IMMP2L: variants seen among roughly 807,000 people sequenced by gnomAD.
IMMP2L encodes the protein mitochondrial inner membrane protease subunit 2.
IMMP2L carries 18 observed loss-of-function variants against 19.3 expected under a neutral mutation model. The observed-to-expected ratio is 0.93, with a 90% CI of 0.64 to 1.38. The LOEUF is 1.38. Among genes scored for constraint, IMMP2L ranks in the 40% most tolerant of loss-of-function variants. IMMP2L has a pLI of 0.00. For missense variants in IMMP2L, 233 were observed against 218.2 expected, an observed-to-expected ratio of 1.07 and a Z score of -0.43; for synonymous variants, 76 against 73.0, an observed-to-expected ratio of 1.04 and a Z score of -0.21.
intron 5 of IMMP2L, among the ~76,000 whole-genome samples, chr7:110,837,258 T>C (rs1804582113): frequency 6.6e-6 from 1 of 151,754 alleles, no homozygotes; most frequent in Non-Finnish European, 1.5e-5. Flanking sequence ...TTACAGAATA[T>C]GTGTATGGTA....
At chr7:111,315,905 A>G (rs910532767) in intron 3 of IMMP2L, among the ~76,000 whole-genome samples, 1 of 152,160 alleles carries the variant, frequency 6.6e-6, no homozygotes, top group African/African-American at 2.4e-5. Flanking sequence ...GTTATGCATC[A>G]CTTAATGATG....
intron 3 of IMMP2L, among the ~76,000 whole-genome samples, chr7:110,995,912 T>C (rs1011567360): frequency 1.3e-5 from 2 of 152,154 alleles, no homozygotes; most frequent in Non-Finnish European, 2.9e-5. Flanking sequence ...AATCCTTTTA[T>C]GGCATTCATA....
chr7:110,911,190 G>A (rs576882398), intron 4 of IMMP2L, among the ~76,000 whole-genome samples: 19 of 151,928 alleles, frequency 1.3e-4, no homozygotes, highest in Admixed American at 3.9e-4. Flanking sequence ...GAAATTACAC[G>A]ACTGAAAATG....
At chr7:111,229,689 A>G (rs1317714353) in intron 3 of IMMP2L, among the ~76,000 whole-genome samples, 1 of 151,978 alleles carries the variant, frequency 6.6e-6, no homozygotes, top group South Asian at 2.1e-4. Flanking sequence ...ACATTTGACT[A>G]AAAGAGAAAA....
chr7:111,283,168 T>G (rs1229326114), intron 3 of IMMP2L, among the ~76,000 whole-genome samples: 1 of 152,108 alleles, frequency 6.6e-6, no homozygotes, highest in Non-Finnish European at 1.5e-5. Flanking sequence ...AGGAAAAATG[T>G]GGAAAAATCA....
chr7:110,904,095 T>C (rs1385481273), intron 4 of IMMP2L, among the ~76,000 whole-genome samples: 1 of 152,146 alleles, frequency 6.6e-6, no homozygotes, highest in Non-Finnish European at 1.5e-5. Flanking sequence ...TACTATAGAG[T>C]TGTAGGAGTT....
chr7:110,874,188 T>A (rs1269461748), intron 5 of IMMP2L, among the ~76,000 whole-genome samples: 2 of 152,112 alleles, frequency 1.3e-5, no homozygotes, highest in Non-Finnish European at 2.9e-5. Context: ...ATGGTAATAG[T>A]CTCATGGCCA....
chr7:111,160,485 T>A (rs1338818523), intron 3 of IMMP2L, among the ~76,000 whole-genome samples: 1 of 151,902 alleles, frequency 6.6e-6, no homozygotes, highest in Non-Finnish European at 1.5e-5. Flanking sequence ...AGTAAGTCAT[T>A]TTGCATATAA....
In IMMP2L at chr7:111,252,402, A is replaced by T. The variant is rs111444056; in HGVS notation, c.239+234836T>A. On this transcript the variant is annotated intron_variant, in intron 3 of 5. Coordinates refer to ENST00000405709, the MANE Select transcript of IMMP2L (RefSeq NM_032549.4). ...TTAGGCAGTATAAAACGAGACCTGG[A>T]AAATGGATTCAACAGATACAAATTA... 3.1e-3 allele frequency among the ~76,000 whole-genome samples: 477 copies of T among 152,306 alleles called. 3 individuals are homozygous for T. Among genetic ancestry groups the T allele is most frequent in the African/African-American group, 0.011 (452 of 41,554 alleles).
intron 3 of IMMP2L, among the ~76,000 whole-genome samples, chr7:111,044,048 A>C (rs2129571423): frequency 6.6e-6 from 1 of 152,342 alleles, no homozygotes; most frequent in East Asian, 1.9e-4. Context: ...CAATCAAAAG[A>C]CATTATGTCA....
At chr7:110,693,524 T>G (rs1793659183) in intron 5 of IMMP2L, among the ~76,000 whole-genome samples, 2 of 152,352 alleles carry the variant, frequency 1.3e-5, no homozygotes, top group South Asian at 4.1e-4. Context: ...AACAGGACTT[T>G]GCTTTGTTAA....
rs1054733652 is a variant in IMMP2L at position 110,797,575 on chromosome 7, G to A, written c.408+89018C>T. ...AAGAGAAGAGGCAATTAGACAACAC[G>A]TTTCTGTTGTGCCACAGCAAGTTCG... On this transcript the variant is annotated intron_variant, in intron 5 of 5. Transcript: ENST00000405709. Among the ~76,000 whole-genome samples, 20 of 152,030 alleles carry A rather than the reference G, an allele frequency of 1.3e-4. No individual in the cohort carries two copies. The South Asian group carries it at 3.3e-3, about 25-fold the overall frequency.
chr7:110,675,425 A>G (rs1463141665), intron 5 of IMMP2L, among the ~76,000 whole-genome samples: 2 of 152,120 alleles, frequency 1.3e-5, no homozygotes, highest in Non-Finnish European at 2.9e-5. Flanking sequence ...ACCGTATTTC[A>G]TCAAAGGCAG....
intron 5 of IMMP2L, among the ~76,000 whole-genome samples, chr7:110,737,587 C>T (rs917622712): frequency 4.3e-4 from 65 of 152,318 alleles, no homozygotes; most frequent in Middle Eastern, 3.4e-3. Context: ...TCTCTACCTG[C>T]CCTGGTAGCT....
intron 3 of IMMP2L, among the ~76,000 whole-genome samples, chr7:111,190,454 T>G (rs1240181529): frequency 6.6e-6 from 1 of 152,104 alleles, no homozygotes; most frequent in Admixed American, 6.6e-5. Context: ...TTATTTTGCA[T>G]AAAATATATG....
intron 3 of IMMP2L, among the ~76,000 whole-genome samples, chr7:111,485,326 G>T (rs539463806): frequency 6.6e-6 from 1 of 151,946 alleles, no homozygotes; most frequent in Non-Finnish European, 1.5e-5. Flanking sequence ...CAGGCCGGGC[G>T]CAGTGGCTCA....
intron 5 of IMMP2L, among the ~76,000 whole-genome samples, chr7:110,788,739 T>C (rs2064503349): frequency 6.6e-6 from 1 of 151,712 alleles, no homozygotes; most frequent in Non-Finnish European, 1.5e-5. Context: ...GCCTTCCCCA[T>C]GATGGTGGAT....
chr7:110,963,155 A>AT (rs1240155692), intron 4 of IMMP2L: 3 of 1,299,174 alleles, frequency 2.3e-6, no homozygotes, highest in Admixed American at 5.4e-5. Context: ...ATGTTCTTGA[A>AT]TTTTTTTAAA....
chr7:111,145,007 A>G (rs1803317946), intron 3 of IMMP2L, among the ~76,000 whole-genome samples: 1 of 152,076 alleles, frequency 6.6e-6, no homozygotes. Context: ...GAGTTGAGCT[A>G]AATAGGTGCA....
Sources: allele counts gnomAD v4.1 joint callset (sites outside exome capture counted in the v4.1 genomes callset), GRCh38; gene constraint gnomAD v4.1.1; transcripts MANE v1.5; gene names NCBI Gene and HGNC (gene_info 2026-07-23, HGNC 2026-07-21).